Variants in MED13L observed in about 807,000 individuals in gnomAD.
MED13L encodes mediator of RNA polymerase II transcription subunit 13-like.
Under a neutral mutation model 220.9 loss-of-function variants are expected in MED13L, and 7 were observed. The observed-to-expected ratio is 0.03, with a 90% confidence interval of 0.02 to 0.06. MED13L has a LOEUF of 0.06. MED13L is among the 10% of genes least tolerant of loss of function. MED13L has a pLI of 1.00. For synonymous variants in MED13L, 1,011 were observed against 1,015.2 expected, an observed-to-expected ratio of 1.00 and a Z score of 0.08; for missense variants, 1,965 against 2,760.5, an observed-to-expected ratio of 0.71 and a Z score of 6.46.
chr12:116,055,485 T>C (rs1172353749), intron 4 of MED13L, among the ~76,000 whole-genome samples: 2 of 152,204 alleles, frequency 1.3e-5, no homozygotes, highest in Non-Finnish European at 2.9e-5. Flanking sequence ...GTTAGTTCTT[T>C]AAATGGTACA....
intron 2 of MED13L, among the ~76,000 whole-genome samples, chr12:116,130,455 A>G (rs1875970698): frequency 6.6e-6 from 1 of 152,222 alleles, no homozygotes; most frequent in Non-Finnish European, 1.5e-5. Flanking sequence ...TTTTTCCAAA[A>G]ATATTAATGA....
At chr12:116,030,040 C>T (rs1301973356) in intron 4 of MED13L, among the ~76,000 whole-genome samples, 1 of 152,154 alleles carries the variant, frequency 6.6e-6, no homozygotes, top group Non-Finnish European at 1.5e-5. Flanking sequence ...ATGATCTCTG[C>T]TCACTGCAAC....
intron 2 of MED13L, among the ~76,000 whole-genome samples, chr12:116,113,757 A>C (rs1226815849): frequency 1.2e-5 from 1 of 83,832 alleles, no homozygotes; most frequent in Non-Finnish European, 2.4e-5. Context: ...GGGAAAGGGG[A>C]GGGAGGGGTA....
rs191394309 is a variant in MED13L, at chr12:116,029,051, T to G, written c.480-6450A>C. On this transcript the variant is annotated intron_variant, in intron 4 of 30. Transcript: ENST00000281928. ...ACCCTTTTCTTCATCCTCTACCAACTAATATCAAGTAACTAACATATAAAT... is the reference window on the plus strand; with the variant it reads ...ACCCTTTTCTTCATCCTCTACCAACGAATATCAAGTAACTAACATATAAAT... Among the ~76,000 whole-genome samples, 11 of 152,140 alleles carry G rather than the reference T, an allele frequency of 7.2e-5. No individual in the cohort carries two copies. The East Asian group carries it at 1.2e-3, about 16-fold the overall frequency.
At chr12:116,029,664 A>G (rs1197626235) in intron 4 of MED13L, among the ~76,000 whole-genome samples, 1 of 152,228 alleles carries the variant, frequency 6.6e-6, no homozygotes, top group Non-Finnish European at 1.5e-5. Flanking sequence ...AAATATATAA[A>G]GAGAAACTCA....
chr12:116,117,391 C>T (rs994961934), intron 2 of MED13L, among the ~76,000 whole-genome samples: 29 of 152,136 alleles, frequency 1.9e-4, no homozygotes, highest in South Asian at 6.2e-4. Flanking sequence ...TTTGTGCAAA[C>T]GCGCAGAAAT....
At chr12:116,197,213 G>A (rs1881689147) in intron 2 of MED13L, among the ~76,000 whole-genome samples, 1 of 152,126 alleles carries the variant, frequency 6.6e-6, no homozygotes, top group Non-Finnish European at 1.5e-5. Flanking sequence ...AGATGAAACC[G>A]TGTACTCGGC....
intron 2 of MED13L, among the ~76,000 whole-genome samples, chr12:116,128,953 C>CA (rs1225574224): frequency 1.8e-4 from 27 of 147,972 alleles, no homozygotes; most frequent in Admixed American, 6.0e-4. Flanking sequence ...GAACATAATG[C>CA]AAAAAAAAAT....
At chr12:116,145,233 C>A (rs1215043412) in intron 2 of MED13L, among the ~76,000 whole-genome samples, 3 of 152,180 alleles carry the variant, frequency 2.0e-5, no homozygotes, top group Non-Finnish European at 4.4e-5. Flanking sequence ...AAATCCTTAA[C>A]AAGGAATCCT....
chr12:116,030,113 G>T (rs1024862408), intron 4 of MED13L, among the ~76,000 whole-genome samples: 2 of 152,056 alleles, frequency 1.3e-5, no homozygotes, highest in African/African-American at 2.4e-5. Context: ...GATTACAGAT[G>T]TGCGCCGCTA....
chr12:116,253,190 T>TG (rs1871713448), intron 1 of MED13L, among the ~76,000 whole-genome samples: 1 of 34,440 alleles, frequency 2.9e-5, no homozygotes, highest in Non-Finnish European at 5.6e-5. Flanking sequence ...TGAACCTGGG[T>TG]GGGGGAGGGG....
Position 116,277,599 on chromosome 12 carries a change from A to G in MED13L, c.-468T>C, listed in dbSNP as rs1216161228. ...AGCGGGCGACCCCGGCAGCCGAGCG[A>G]CGTCCCCTCCTTCCTCTTCCTCCCC... is the stretch of plus-strand genomic sequence containing the variant. On this transcript the variant is annotated 5_prime_UTR_variant, in exon 1 of 31. Transcript: ENST00000281928. Among the ~76,000 whole-genome samples, 1 of 148,652 alleles carries G rather than the reference A, an allele frequency of 6.7e-6. No homozygotes were observed. The highest frequency in any genetic ancestry group is 2.5e-5 in the African/African-American group (1 of 40,740).
intron 5 of MED13L, among the ~76,000 whole-genome samples, chr12:116,021,674 G>A (rs1880067198): frequency 1.3e-5 from 2 of 152,214 alleles, no homozygotes; most frequent in Middle Eastern, 6.8e-3. Context: ...ATTATATTGT[G>A]TGATATGCTA....
chr12:116,222,375 T>C (rs938920011), intron 2 of MED13L, among the ~76,000 whole-genome samples: 5 of 152,200 alleles, frequency 3.3e-5, no homozygotes, highest in Admixed American at 1.3e-4. Flanking sequence ...TACCTCTCCA[T>C]AGGCGAAGGA....
intron 1 of MED13L, among the ~76,000 whole-genome samples, chr12:116,259,500 C>T (rs544810241): frequency 3.3e-5 from 5 of 152,040 alleles, no homozygotes; most frequent in Admixed American, 3.3e-4. Context: ...AAGAATGATA[C>T]ACATGAAATT....
In MED13L at chr12:115,983,338, A is replaced by G; in HGVS notation, c.4734T>C (p.Ser1578=). Residue 1578 remains serine (S), a synonymous_variant, in exon 21 of 31, where the codon TCT becomes TCC. Transcript: ENST00000281928. ...CCGGTGGCACAGAGGAACCAGATGC[A>G]GAACTACTTGCTGCAGGATTTGTAG... The part of the protein sequence containing the change: ...SSSTNPAASS[S]ASGSSVPPVS... 2 of 1,614,236 alleles carry G rather than the reference A, an allele frequency of 1.2e-6. No individual in the cohort carries two copies. Among genetic ancestry groups the G allele is most frequent in the South Asian group, 2.2e-5 (2 of 91,086 alleles).
intron 4 of MED13L, among the ~76,000 whole-genome samples, chr12:116,048,645 G>A (rs1337088906): frequency 6.6e-6 from 1 of 151,978 alleles, no homozygotes; most frequent in Non-Finnish European, 1.5e-5. Flanking sequence ...GAATCAGAAT[G>A]AAATTTTGTT....
At chr12:116,211,815 T>C (rs1394816594) in intron 2 of MED13L, among the ~76,000 whole-genome samples, 2 of 152,220 alleles carry the variant, frequency 1.3e-5, no homozygotes, top group Non-Finnish European at 2.9e-5. Context: ...GCCTGTATCA[T>C]TTTAATCCTC....
chr12:116,245,325 A>G (rs1315788239), intron 1 of MED13L, among the ~76,000 whole-genome samples: 1 of 152,202 alleles, frequency 6.6e-6, no homozygotes, highest in East Asian at 1.9e-4. Flanking sequence ...CTGAGATCAG[A>G]GAGAGGTTCC....
Sources: allele counts gnomAD v4.1 joint callset (sites outside exome capture counted in the v4.1 genomes callset), GRCh38; gene constraint gnomAD v4.1.1; transcripts MANE v1.5; gene names NCBI Gene and HGNC (gene_info 2026-07-23, HGNC 2026-07-21).